SAXO1: variants seen among roughly 807,000 people sequenced by gnomAD.
The protein encoded by SAXO1 is 4930500O09Rik.
In SAXO1, 21 loss-of-function variants were observed where a neutral mutation model predicts 17.5. The observed-to-expected ratio is 1.20, with a 90% CI of 0.85 to 1.72. The LOEUF is 1.72. Ranked by LOEUF, SAXO1 falls within the 40% of genes most tolerant of loss-of-function variation. SAXO1 has a pLI of 0.00. For missense variants in SAXO1, 843 were observed against 596.0 expected, an observed-to-expected ratio of 1.41 and a Z score of -4.32; for synonymous variants, 274 against 216.5, an observed-to-expected ratio of 1.27 and a Z score of -2.33.
intron 1 of SAXO1, among the ~76,000 whole-genome samples, chr9:18,999,689 C>CGCCA (rs536296249): frequency 7.6e-5 from 11 of 144,100 alleles, no homozygotes; most frequent in African/African-American, 2.6e-4. Flanking sequence ...TCTGCCCGGC[C>CGCCA]GCCACACCAT....
At chr9:18,936,138 C>T (rs1371026628) in intron 3 of SAXO1, among the ~76,000 whole-genome samples, 1 of 152,128 alleles carries the variant, frequency 6.6e-6, no homozygotes, top group Non-Finnish European at 1.5e-5. Context: ...CTCCTTACTC[C>T]TCATCTCCAG....
chr9:18,993,461 G>A (rs1034501613), intron 1 of SAXO1, among the ~76,000 whole-genome samples: 4 of 152,198 alleles, frequency 2.6e-5, no homozygotes, highest in African/African-American at 9.7e-5. Context: ...TCTGCCTTCA[G>A]TCAGCTTTCC....
At chr9:19,006,931 G>A (rs1834503395) in intron 1 of SAXO1, among the ~76,000 whole-genome samples, 1 of 152,088 alleles carries the variant, frequency 6.6e-6, no homozygotes, top group Non-Finnish European at 1.5e-5. Context: ...TGTAACCCCA[G>A]TTACTCGGGA....
In SAXO1 at chr9:18,950,871, G is replaced by A. The variant is rs7036389; in HGVS notation, c.105C>T (p.Ser35=). 6,408 of 1,613,320 alleles carry A rather than the reference G, an allele frequency of 4.0e-3. 21 individuals carry two copies. The highest frequency in any genetic ancestry group is 9.2e-3 in the Admixed American group (553 of 59,974). ...YDKTEKPCLL[S]EYTENYPFYH... ...AGAAAGGGTAGTTCTCGGTATATTC[G>A]GAGAGAAGACATGGTTTCTCTGTTT... Residue 35 remains serine, a synonymous_variant, in exon 2 of 4, where the codon TCC becomes TCT. Transcript: ENST00000380534.
At chr9:19,000,280 C>G (rs1477464394) in intron 1 of SAXO1, among the ~76,000 whole-genome samples, 2 of 151,628 alleles carry the variant, frequency 1.3e-5, no homozygotes, top group African/African-American at 4.8e-5. Context: ...AGGAGCGCCT[C>G]TGCCCAGCCG....
chr9:18,930,431 G>C (rs773452998), intron 3 of SAXO1, among the ~76,000 whole-genome samples: 1 of 151,946 alleles, frequency 6.6e-6, no homozygotes, highest in South Asian at 2.1e-4. Context: ...AGCACACCAA[G>C]ACTGAAAGTC....
chr9:18,931,449 A>T (rs1416569474), intron 3 of SAXO1, among the ~76,000 whole-genome samples: 1 of 152,218 alleles, frequency 6.6e-6, no homozygotes, highest in Non-Finnish European at 1.5e-5. Context: ...CTTGGCTATT[A>T]TAAAGAAATT....
intron 1 of SAXO1, among the ~76,000 whole-genome samples, chr9:18,953,637 T>G (rs370371364): frequency 2.9e-4 from 44 of 152,276 alleles, no homozygotes; most frequent in African/African-American, 1.0e-3. Context: ...ATGAATGCCC[T>G]GAATACCCCT....
chr9:18,971,518 T>C lies in SAXO1; in HGVS notation c.39-20581A>G, dbSNP rs1422536784. ...AAAAAAATGCCCTCATTTCACTACA[T>C]TTATTCCTCTGAGTACCAAAAATAT... On this transcript the variant is annotated intron_variant, in intron 1 of 3. Transcript: ENST00000380534. Among the ~76,000 whole-genome samples the C allele has an allele frequency of 3.3e-5, 5 of 152,266 alleles. No homozygotes were observed. The East Asian group carries it at 9.6e-4, about 29-fold the overall frequency.
Position 19,032,961 on chromosome 9 carries a change from G to A in SAXO1, c.-53C>T, listed in dbSNP as rs1399606347. ...CCTCAGAGCATCGCCAGCTGCAGCC[G>A]ACTCCTAGACCCCAACCACCTGTCT... On this transcript the variant is annotated 5_prime_UTR_variant, in exon 1 of 4. Transcript: ENST00000380534. 7.0e-6 allele frequency: 11 copies of A among 1,568,350 alleles called. No homozygotes were observed. The highest frequency in any genetic ancestry group is 2.7e-5 in the African/African-American group (2 of 74,172).
intron 1 of SAXO1, among the ~76,000 whole-genome samples, chr9:18,996,522 A>G (rs777505231): frequency 1.3e-5 from 2 of 152,254 alleles, no homozygotes; most frequent in Non-Finnish European, 2.9e-5. Flanking sequence ...ATACAGTATT[A>G]AATCTTATGG....
intron 1 of SAXO1, among the ~76,000 whole-genome samples, chr9:19,011,396 T>C (rs905451986): frequency 2.0e-5 from 3 of 152,272 alleles, no homozygotes; most frequent in African/African-American, 4.8e-5. Flanking sequence ...CCCAAGGCCA[T>C]AGATGACTTA....
At chr9:19,018,076 GA>G (rs1316222104) in intron 1 of SAXO1, among the ~76,000 whole-genome samples, 2 of 151,862 alleles carry the variant, frequency 1.3e-5, no homozygotes, top group African/African-American at 4.8e-5. Context: ...GCTGAGGTGG[GA>G]GGATCACTTG....
intron 1 of SAXO1, among the ~76,000 whole-genome samples, chr9:19,001,606 G>C (rs1834267624): frequency 6.6e-6 from 1 of 151,304 alleles, no homozygotes; most frequent in Non-Finnish European, 1.5e-5. Flanking sequence ...GGCGGAGCTT[G>C]CACTGAGCCG....
intron 1 of SAXO1, among the ~76,000 whole-genome samples, chr9:19,016,766 T>C (rs918483030): frequency 2.0e-5 from 3 of 151,296 alleles, no homozygotes; most frequent in Non-Finnish European, 2.9e-5. Flanking sequence ...TATTTTTCGC[T>C]AGCCATTTTC....
chr9:18,951,194 G>T (rs1025665047), intron 1 of SAXO1, among the ~76,000 whole-genome samples: 4 of 152,126 alleles, frequency 2.6e-5, no homozygotes, highest in Non-Finnish European at 5.9e-5. Flanking sequence ...ATGCCACATT[G>T]CTTGTGTAAG....
At chr9:18,958,599 G>A (rs371964942) in intron 1 of SAXO1, among the ~76,000 whole-genome samples, 2 of 151,968 alleles carry the variant, frequency 1.3e-5, no homozygotes, top group African/African-American at 2.4e-5. Context: ...ACTAGCAGTC[G>A]CTGCCTGAGT....
At chr9:18,997,845 C>T (rs538266223) in intron 1 of SAXO1, among the ~76,000 whole-genome samples, 1 of 152,272 alleles carries the variant, frequency 6.6e-6, no homozygotes, top group Admixed American at 6.5e-5. Context: ...GAGTGGACTT[C>T]CAGCAAACTC....
chr9:19,008,834 A>G (rs892891302), intron 1 of SAXO1, among the ~76,000 whole-genome samples: 1 of 152,172 alleles, frequency 6.6e-6, no homozygotes, highest in African/African-American at 2.4e-5. Context: ...TCCAGGAGCA[A>G]CTGTGTCTGG....
Sources: allele counts gnomAD v4.1 joint callset (sites outside exome capture counted in the v4.1 genomes callset), GRCh38; gene constraint gnomAD v4.1.1; transcripts MANE v1.5; gene names NCBI Gene and HGNC (gene_info 2026-07-23, HGNC 2026-07-21).